Variants in NAV2 observed in about 807,000 individuals in gnomAD.
NAV2 encodes the protein neuron navigator 2, also known as helicase, APC down-regulated 1.
In NAV2, 54 loss-of-function variants were observed where a neutral mutation model predicts 223.2. The ratio of observed to expected loss-of-function variants is 0.24; its 90% CI spans 0.19 to 0.30. NAV2 has a LOEUF of 0.30. NAV2 is among the 10% of genes least tolerant of loss of function. The pLI, the probability that NAV2 is intolerant of heterozygous loss-of-function variation, is 1.00. For missense variants in NAV2, 2,806 were observed against 3,147.5 expected (o/e 0.89, Z 2.60); for synonymous variants, 1,279 against 1,239.3 (o/e 1.03, Z -0.67).
At chr11:19,370,079 C>A (rs1289589835) in intron 1 of NAV2, among the ~76,000 whole-genome samples, 2 of 152,176 alleles carry the variant, frequency 1.3e-5, no homozygotes, top group Non-Finnish European at 2.9e-5. Flanking sequence ...CTATTCATAA[C>A]CCTCCATAAT....
At chr11:19,816,849 C>T (rs151166440) in intron 1 of NAV2, among the ~76,000 whole-genome samples, 48 of 152,246 alleles carry the variant, frequency 3.2e-4, no homozygotes, top group African/African-American at 1.1e-3. Flanking sequence ...ATCTAATTTT[C>T]AGGCCCTTCC....
intron 6 of NAV2, among the ~76,000 whole-genome samples, chr11:19,920,602 A>C (rs901122190): frequency 2.0e-5 from 3 of 152,190 alleles, no homozygotes; most frequent in Admixed American, 6.5e-5. Context: ...AAATTATTTA[A>C]AGCACTTAGT....
At chr11:19,577,745 A>T (rs2045609159) in intron 1 of NAV2, among the ~76,000 whole-genome samples, 1 of 152,124 alleles carries the variant, frequency 6.6e-6, no homozygotes, top group Non-Finnish European at 1.5e-5. Flanking sequence ...ATCTGGGGTG[A>T]GAGGGAAGAA....
chr11:19,911,475 C>T, intron 6 of NAV2, among the ~76,000 whole-genome samples: 1 of 152,288 alleles, frequency 6.6e-6, no homozygotes, highest in East Asian at 1.9e-4. Context: ...AAATGACTCT[C>T]TCAATTCTAC....
In NAV2 at chr11:19,575,287, G is replaced by C. The variant is rs1049552936; in HGVS notation, c.75+224260G>C. ...AACCCCAAACTGGTCCTATTGCCTT[G>C]CCCTCCTGATGGGCAGGTGGAAGCA... On this transcript the variant is annotated intron_variant, in intron 1 of 37. Transcript: ENST00000360655. 3.2e-5 allele frequency: 5 copies of C among 154,260 alleles called. No homozygotes were observed. In the Admixed American group the frequency reaches 3.3e-4, roughly 10 times the overall value. The allele number at this position is 154,260 out of a possible 1,614,324, so 9.6% of individuals were successfully genotyped here. A position where few individuals can be genotyped will look rare whatever the true frequency, so the allele number is the denominator to read the frequency against.
chr11:19,628,576 A>C (rs2047244540), intron 1 of NAV2, among the ~76,000 whole-genome samples: 1 of 152,196 alleles, frequency 6.6e-6, no homozygotes, highest in Non-Finnish European at 1.5e-5. Flanking sequence ...ACTCATCTAC[A>C]TTCAGGTGTA....
chr11:19,949,780 G>T (rs1359327840), intron 10 of NAV2, among the ~76,000 whole-genome samples: 1 of 152,200 alleles, frequency 6.6e-6, no homozygotes, highest in Admixed American at 6.5e-5. Context: ...GTACCATAAA[G>T]CAAGGACTTG....
intron 1 of NAV2, among the ~76,000 whole-genome samples, chr11:19,614,904 T>A (rs1453039009): frequency 3.9e-5 from 6 of 152,196 alleles, no homozygotes; most frequent in Non-Finnish European, 7.3e-5. Context: ...CTTAAAGACC[T>A]CTCTAGCCAC....
intron 1 of NAV2, among the ~76,000 whole-genome samples, chr11:19,618,440 G>T (rs186215961): frequency 6.7e-6 from 1 of 149,556 alleles, no homozygotes; most frequent in Non-Finnish European, 1.5e-5. Flanking sequence ...ATGGATGGAC[G>T]GATGGGTGGA....
chr11:19,614,097 G>T (rs2046720388), intron 1 of NAV2, among the ~76,000 whole-genome samples: 1 of 152,212 alleles, frequency 6.6e-6, no homozygotes, highest in Non-Finnish European at 1.5e-5. Flanking sequence ...AAAGAGGGTT[G>T]TGGTCTTACC....
rs59538869 is a variant in NAV2 at position 19,551,897 on chromosome 11, T to TTCTCTCTC, written c.75+200888_75+200895dup. On this transcript the variant is annotated intron_variant, in intron 1 of 37. Coordinates refer to the NAV2 transcript ENST00000360655. ...CCCCTCCTTCTCCTCTCCTCTCCTC[T>TTCTCTCTC]TCTCTCTCTCTCTCTCTCTCTCTCT... Among the ~76,000 whole-genome samples, 626 of 149,298 alleles carry TTCTCTCTC rather than the reference T, an allele frequency of 4.2e-3. 3 individuals carry two copies. The highest frequency in any genetic ancestry group is 0.014 in the African/African-American group (582 of 40,724).
At chr11:19,424,434 C>T (rs964526492) in intron 1 of NAV2, among the ~76,000 whole-genome samples, 1 of 152,232 alleles carries the variant, frequency 6.6e-6, no homozygotes, top group Non-Finnish European at 1.5e-5. Flanking sequence ...GTGTGGCATT[C>T]ATCAAAGATT....
chr11:19,441,127 G>A (rs1269525398), intron 1 of NAV2, among the ~76,000 whole-genome samples: 2 of 152,164 alleles, frequency 1.3e-5, no homozygotes, highest in Non-Finnish European at 2.9e-5. Flanking sequence ...TTTAGAAGGG[G>A]CAAAAGGAGG....
In NAV2 at chr11:19,998,212, C is replaced by A. The variant is rs1018772846; in HGVS notation, c.2768+13965C>A. ...TTCCTTCCAGTCGGCAAACTCCCCC[C>A]AAACAGTTTCAAATCTCTCAGCTTC... On this transcript the variant is annotated intron_variant, in intron 11 of 37. Transcript: ENST00000349880. The surrounding 1 kb of genome is among the most constrained non-coding windows in gnomAD (Gnocchi z 5.0). Among the ~76,000 whole-genome samples, 4 of 151,892 alleles carry A rather than the reference C, an allele frequency of 2.6e-5. No homozygotes were observed. Among genetic ancestry groups the A allele is most frequent in the African/African-American group, 7.3e-5 (3 of 41,368 alleles).
At chr11:19,663,088 T>C (rs1045465091) in intron 1 of NAV2, among the ~76,000 whole-genome samples, 7 of 152,140 alleles carry the variant, frequency 4.6e-5, no homozygotes, top group African/African-American at 1.7e-4. Flanking sequence ...AACCAGCCCA[T>C]GTTGACTCTG....
At chr11:19,522,521 G>T (rs2134340332) in intron 1 of NAV2, among the ~76,000 whole-genome samples, 1 of 152,252 alleles carries the variant, frequency 6.6e-6, no homozygotes, top group East Asian at 1.9e-4. Context: ...TCACCAGCCG[G>T]GGGTATCCAG....
intron 3 of NAV2, among the ~76,000 whole-genome samples, chr11:19,855,397 G>T (rs1486688957): frequency 6.6e-6 from 1 of 152,156 alleles, no homozygotes; most frequent in Admixed American, 6.5e-5. Flanking sequence ...CGAAATCCTT[G>T]ATTCCCCTGT....
chr11:20,070,005 A>AT (rs960597397), intron 22 of NAV2, among the ~76,000 whole-genome samples: 9 of 152,050 alleles, frequency 5.9e-5, no homozygotes, highest in Admixed American at 2.6e-4. Flanking sequence ...GAAATCTTTG[A>AT]TTTTTTTAAA....
At chr11:19,799,665 G>T (rs973151351) in intron 1 of NAV2, among the ~76,000 whole-genome samples, 1 of 152,138 alleles carries the variant, frequency 6.6e-6, no homozygotes, top group Non-Finnish European at 1.5e-5. Flanking sequence ...CCCCTGCCAG[G>T]ACAGTCCAGC....
Sources: allele counts gnomAD v4.1 joint callset (sites outside exome capture counted in the v4.1 genomes callset), GRCh38; gene constraint gnomAD v4.1.1; non-coding constraint Gnocchi (gnomAD v3.1); transcripts MANE v1.5; gene names NCBI Gene and HGNC (gene_info 2026-07-23, HGNC 2026-07-21).